The following CCL24 variants were observed in gnomAD, a reference collection of about 807,000 sequenced individuals.
CCL24 encodes C-C motif chemokine ligand 24.
In CCL24, 6 loss-of-function variants were observed where a neutral mutation model predicts 8.6. That is an observed-to-expected ratio of 0.70 (90% CI 0.38 to 1.38). The LOEUF (loss-of-function observed/expected upper bound fraction) is 1.38, where lower values mean the gene tolerates loss of function less well. CCL24 is among the 40% of genes most tolerant of loss of function. The pLI, the probability that CCL24 is intolerant of heterozygous loss-of-function variation, is 0.02. For missense variants in CCL24, 126 were observed against 147.1 expected, an observed-to-expected ratio of 0.86 and a Z score of 0.74; for synonymous variants, 59 against 52.7, an observed-to-expected ratio of 1.12 and a Z score of -0.52.
At chr7:75,822,441 G>A (rs1804070006) in intron 1 of CCL24, among the ~76,000 whole-genome samples, 1 of 152,144 alleles carries the variant, frequency 6.6e-6, no homozygotes, top group Non-Finnish European at 1.5e-5. Flanking sequence ...TCCATGAAAC[G>A]CCACCAGACC....
At chr7:75,812,816 G>C (rs1803797229) in intron 2 of CCL24, among the ~76,000 whole-genome samples, 1 of 152,064 alleles carries the variant, frequency 6.6e-6, no homozygotes, top group African/African-American at 2.4e-5. Context: ...TGTAATCCCA[G>C]CTACTCGGGA....
chr7:75,813,394 T>C lies in CCL24; in HGVS notation c.103A>G (p.Met35Val), dbSNP rs782058236. The part of the protein sequence containing the change: ...GSVVIPSPCC[M>V]FFVSKRIPEN... Reference sequence around the variant, plus strand: ...GGAATTCTCTTGGAAACAAAGAACATGCAGCAGGGAGAGGGGATGACCACA... The same window carrying C: ...GGAATTCTCTTGGAAACAAAGAACACGCAGCAGGGAGAGGGGATGACCACA... Residue 35 changes from methionine to valine, a missense_variant, in exon 2 of 3, where the codon ATG becomes GTG. Met to Val is a conservative substitution (Grantham distance 21, BLOSUM62 1). Coordinates refer to ENST00000222902, the MANE Select transcript of CCL24 (RefSeq NM_002991.3). The C allele has an allele frequency of 3.1e-6, 5 of 1,613,400 alleles. No individual in the cohort carries two copies. Among genetic ancestry groups the C allele is most frequent in the South Asian group, 1.1e-5 (1 of 91,072 alleles).
At chr7:75,817,794 C>T (rs558872952), upstream of CCL24, among the ~76,000 whole-genome samples, 26 of 151,624 alleles carry the variant, frequency 1.7e-4, no homozygotes, top group Admixed American at 1.1e-3. Context: ...TGAGCCACCG[C>T]ACTGGGCCAA....
intron 1 of CCL24, among the ~76,000 whole-genome samples, chr7:75,820,981 A>G (rs1468594257): frequency 2.0e-5 from 3 of 152,014 alleles, no homozygotes; most frequent in Non-Finnish European, 2.9e-5. Context: ...GAACCCTGCT[A>G]TATACCAGGT....
rs537428760 is a variant in CCL24 at position 75,813,550 on chromosome 7, C to A, written c.73+93G>T. ...ATTCACTGGGCCACCCTTTCCCCAG[C>A]GCTTCCCTCCAGCCCCAGGCTGGTC... is the stretch of plus-strand genomic sequence containing the variant. On this transcript the variant is annotated intron_variant, in intron 1 of 2. Coordinates refer to ENST00000222902, the MANE Select transcript of CCL24 (RefSeq NM_002991.3). 1.4e-5 allele frequency: 18 copies of A among 1,310,382 alleles called. 1 individual carries two copies. The African/African-American group carries it at 1.9e-4, about 14-fold the overall frequency. 81.2% of individuals were successfully genotyped at this position (1,310,382 alleles called of 1,614,324 possible).
At chr7:75,813,870 CT>C (rs1803831009), upstream of CCL24, 2 of 562,980 alleles carry the variant, frequency 3.6e-6, no homozygotes, top group Admixed American at 5.5e-5. Context: ...CCCGAGCCCC[CT>C]CCACGCTTCC....
rs1426062045 is a variant in CCL24, at chr7:75,811,231, C to A, written c.*565G>T. Among the ~76,000 whole-genome samples the A allele has an allele frequency of 1.3e-5, 2 of 151,438 alleles. No homozygotes were observed. The highest frequency in any genetic ancestry group is 2.1e-4 in the South Asian group (1 of 4,800). ...TGGTGGCTCATGCCTGTAATCCCAGCACTTTGGGAGGCCGAGGCAGGTAGA... is the reference window on the plus strand; with the variant it reads ...TGGTGGCTCATGCCTGTAATCCCAGAACTTTGGGAGGCCGAGGCAGGTAGA... On this transcript the variant is annotated 3_prime_UTR_variant, in exon 3 of 3. Coordinates refer to ENST00000222902, the MANE Select transcript of CCL24 (RefSeq NM_002991.3).
chr7:75,812,196 C>T (rs11465310), intron 2 of CCL24, among the ~76,000 whole-genome samples: 16,450 of 151,882 alleles, frequency 0.11, 1,125 homozygotes, highest in East Asian at 0.17. Flanking sequence ...GCTGTCCTCC[C>T]GCCTTAGCCT....
chr7:75,811,842 A>G lies in CCL24; in HGVS notation c.314T>C (p.Val105Ala). ...KASPRARAVA[V>A]KGPVQRYPGN... ...AGGATATCTCTGGACAGGGCCCTTGACAGCCACTGCCCTGGCCCTAGGGGA... is the reference window on the plus strand; with the variant it reads ...AGGATATCTCTGGACAGGGCCCTTGGCAGCCACTGCCCTGGCCCTAGGGGA... The change falls in exon 3 of 3, where the codon GTC becomes GCC. Residue 105 changes from valine (V) to alanine (A), a missense_variant. By Grantham distance (64) the Val-to-Ala change is moderately conservative. Transcript: ENST00000222902. The G allele has an allele frequency of 6.2e-7, 1 of 1,613,096 alleles. No homozygotes were observed. The highest frequency in any genetic ancestry group is 1.1e-5 in the South Asian group (1 of 91,016).
rs1803746314 is a variant in CCL24, at chr7:75,811,128, C to A, written c.*668G>T. 6.6e-6 allele frequency among the ~76,000 whole-genome samples: 1 copy of A among 151,260 alleles called. No individual in the cohort carries two copies. The highest frequency in any genetic ancestry group is 6.6e-5 in the Admixed American group (1 of 15,110). On this transcript the variant is annotated 3_prime_UTR_variant, in exon 3 of 3. Coordinates refer to ENST00000222902, the MANE Select transcript of CCL24 (RefSeq NM_002991.3). ...ACCCAGGCTGGCCCTTCACCCCAGT[C>A]CTCCACGTTCATTTCCTTTAAAAAA... is the stretch of plus-strand genomic sequence containing the variant.
chr7:75,812,034 G>C (rs973772581), intron 2 of CCL24, 70 bp from the exon 3 acceptor site: 2 of 1,347,272 alleles, frequency 1.5e-6, no homozygotes, highest in South Asian at 2.5e-5. Flanking sequence ...TTCATGGCGG[G>C]GGGGATGTGG....
At chr7:75,818,362 G>A (rs1156663867), upstream of CCL24, among the ~76,000 whole-genome samples, 4 of 150,588 alleles carry the variant, frequency 2.7e-5, no homozygotes, top group Admixed American at 1.3e-4. Context: ...CAGGAGAATC[G>A]CTTGAACCTG....
chr7:75,821,453 G>A (rs535032409), intron 1 of CCL24, among the ~76,000 whole-genome samples: 8 of 152,248 alleles, frequency 5.3e-5, no homozygotes, highest in Non-Finnish European at 1.2e-4. Context: ...GCTGAGCTCT[G>A]ATGCCATATG....
chr7:75,822,042 CG>C (rs1804062262), intron 1 of CCL24, among the ~76,000 whole-genome samples: 1 of 151,782 alleles, frequency 6.6e-6, no homozygotes, highest in Non-Finnish European at 1.5e-5. Flanking sequence ...GCAGAGATTG[CG>C]GTGAGCCAAG....
upstream of CCL24, among the ~76,000 whole-genome samples, chr7:75,815,628 G>A (rs1187312043): frequency 2.0e-5 from 3 of 152,102 alleles, no homozygotes; most frequent in African/African-American, 4.8e-5. Context: ...AAGTCATAAC[G>A]TCCAGTTCAG....
upstream of CCL24, among the ~76,000 whole-genome samples, chr7:75,817,820 G>A (rs1554534368): frequency 1.4e-5 from 2 of 145,122 alleles, no homozygotes; most frequent in African/African-American, 5.1e-5. Flanking sequence ...CCAATGTTTT[G>A]TTGCTGTTGT....
chr7:75,812,108 A>G (rs1426316839), intron 2 of CCL24, 144 bp from the exon 3 acceptor site: 3 of 637,064 alleles, frequency 4.7e-6, no homozygotes, highest in Non-Finnish European at 8.1e-6. Context: ...ATTTTTTGAC[A>G]CAGGGTCTCA....
intron 2 of CCL24, among the ~76,000 whole-genome samples, chr7:75,812,926 AGG>A (rs202240038): frequency 0.12 from 17,308 of 149,090 alleles, 1,080 homozygotes; most frequent in South Asian, 0.16. Flanking sequence ...ACTCTGTCTC[AGG>A]GGAAAAAAAA....
chr7:75,811,774 G>A lies in CCL24; in HGVS notation c.*22C>T, dbSNP rs1415808634. 5.6e-6 allele frequency: 9 copies of A among 1,607,138 alleles called. No homozygotes were observed. Among genetic ancestry groups the A allele is most frequent in the Non-Finnish European group, 7.7e-6 (9 of 1,176,170 alleles). ...GCCAAGCAGCTCAGGCCCAAACTCA[G>A]GGCTGGAGGGCTGGGCGGGGATTAG... On this transcript the variant is annotated 3_prime_UTR_variant, in exon 3 of 3. Transcript: ENST00000222902.
Sources: gnomAD v4.1 joint callset for allele counts (sites outside exome capture counted in the v4.1 genomes callset) on GRCh38, gnomAD v4.1.1 for gene constraint, MANE v1.5 for transcripts, NCBI Gene and HGNC (gene_info 2026-07-23, HGNC 2026-07-21) for gene names.